IGSF10: variants seen among roughly 807,000 people sequenced by gnomAD.
IGSF10 encodes the protein calvaria mechanical force protein 608.
IGSF10 carries 126 observed loss-of-function variants against 128.2 expected under a neutral mutation model. That is an observed-to-expected ratio of 0.98 (90% CI 0.85 to 1.14). IGSF10 has a LOEUF of 1.14. Among genes scored for constraint, IGSF10 ranks in the 50% most tolerant of loss-of-function variants. IGSF10 has a pLI of 0.00. For synonymous variants in IGSF10, 1,185 were observed against 1,146.2 expected (o/e 1.03, Z -0.68); for missense variants, 3,295 against 3,149.8 (o/e 1.05, Z -1.10).
chr3:151,433,030 G>C, downstream of IGSF10: 1 of 488,572 alleles, frequency 2.0e-6, no homozygotes, highest in Non-Finnish European at 3.7e-6. Flanking sequence ...GTTTACAAAT[G>C]TGAATCATGC....
Position 151,461,015 on chromosome 3 carries a change from T to C in IGSF10, c.-158A>G, listed in dbSNP as rs570250721. The C allele has an allele frequency of 4.6e-4, 457 of 985,338 alleles. No individual in the cohort carries two copies. The highest frequency in any genetic ancestry group is 1.3e-3 in the Admixed American group (21 of 16,280). The allele number at this position is 985,338 out of a possible 1,614,324, so 61.0% of individuals were successfully genotyped here. A position where few individuals can be genotyped will look rare whatever the true frequency, so the allele number is the denominator to read the frequency against. Reference sequence around the variant, plus strand: ...TCCCGGGCTCGGTCCCGGGCTCAGCTGCTGGGGTCGTGCGGAGCTGGTCCG... The same window carrying C: ...TCCCGGGCTCGGTCCCGGGCTCAGCCGCTGGGGTCGTGCGGAGCTGGTCCG... On this transcript the variant is annotated 5_prime_UTR_variant, in exon 1 of 8. Transcript: ENST00000282466.
At chr3:151,537,182 T>A in the IGSF10 span, among the ~76,000 whole-genome samples, 81 of 152,200 alleles carry the variant, frequency 5.3e-4, no homozygotes, top group African/African-American at 1.8e-3. Flanking sequence ...TGCTTTGATC[T>A]TGCATTGTTA....
At chr3:151,434,493 A>G (rs188838271), downstream of IGSF10, 1 of 146,228 alleles carries the variant, frequency 6.8e-6, no homozygotes, top group East Asian at 2.0e-4. Context: ...TATTCTTTTC[A>G]CTAAATTAAT....
the IGSF10 span, among the ~76,000 whole-genome samples, chr3:151,598,655 G>C: frequency 6.6e-6 from 1 of 152,094 alleles, no homozygotes; most frequent in Non-Finnish European, 1.5e-5. Context: ...CAGTATTTAG[G>C]GAATAATGAC....
chr3:151,531,394 AC>A, the IGSF10 span, among the ~76,000 whole-genome samples: 1 of 152,216 alleles, frequency 6.6e-6, no homozygotes, highest in African/African-American at 2.4e-5. Flanking sequence ...TCTTCTCAGC[AC>A]CACATCACCC....
chr3:151,514,434 T>C, the IGSF10 span, among the ~76,000 whole-genome samples: 3 of 152,228 alleles, frequency 2.0e-5, no homozygotes, highest in Non-Finnish European at 4.4e-5. Flanking sequence ...AAGTTGAAAC[T>C]GGATCCCTTC....
chr3:151,562,021 G>C, the IGSF10 span, among the ~76,000 whole-genome samples: 13 of 152,204 alleles, frequency 8.5e-5, no homozygotes, highest in East Asian at 2.5e-3. Flanking sequence ...CTTGAAAAGG[G>C]GCTGAGTACA....
downstream of IGSF10, chr3:151,435,212 A>AAAGAC (rs1337573902): frequency 2.6e-5 from 4 of 151,006 alleles, no homozygotes; most frequent in African/African-American, 9.8e-5. Context: ...AGCTCCCCTT[A>AAAGAC]AAGACAAGAC....
chr3:151,529,296 G>A, the IGSF10 span, among the ~76,000 whole-genome samples: 1 of 152,206 alleles, frequency 6.6e-6, no homozygotes, highest in Non-Finnish European at 1.5e-5. Context: ...AGATGTAAAC[G>A]TCCCTGCCTG....
At chr3:151,558,029 T>A in the IGSF10 span, among the ~76,000 whole-genome samples, 8 of 65,142 alleles carry the variant, frequency 1.2e-4, 1 homozygote, top group Admixed American at 1.9e-4. Flanking sequence ...ATATATATAT[T>A]GGTACAATAT....
the IGSF10 span, among the ~76,000 whole-genome samples, chr3:151,497,753 T>A: frequency 6.6e-6 from 1 of 152,182 alleles, no homozygotes; most frequent in Non-Finnish European, 1.5e-5. Flanking sequence ...ATTGAATCTA[T>A]GAATTACTTT....
chr3:151,432,739 T>C, downstream of IGSF10: 1 of 1,610,878 alleles, frequency 6.2e-7, no homozygotes, highest in Non-Finnish European at 8.5e-7. Context: ...GTTCAATTTA[T>C]TTTTCTCCTT....
intron 4 of IGSF10, among the ~76,000 whole-genome samples, chr3:151,456,490 C>T (rs1394566578): frequency 1.3e-5 from 2 of 152,126 alleles, no homozygotes; most frequent in Admixed American, 1.3e-4. Context: ...GTATGCATTT[C>T]CTCATGTTCC....
the IGSF10 span, among the ~76,000 whole-genome samples, chr3:151,553,747 C>A: frequency 9.9e-5 from 15 of 151,622 alleles, no homozygotes; most frequent in African/African-American, 3.6e-4. Context: ...TGATACATTC[C>A]TCAAGTTTTT....
the IGSF10 span, among the ~76,000 whole-genome samples, chr3:151,511,983 A>G: frequency 6.6e-6 from 1 of 152,200 alleles, no homozygotes; most frequent in Non-Finnish European, 1.5e-5. Flanking sequence ...AGTGACCTAC[A>G]AAGAGACTTA....
At chr3:151,522,525 G>A in the IGSF10 span, among the ~76,000 whole-genome samples, 42 of 152,206 alleles carry the variant, frequency 2.8e-4, no homozygotes, top group South Asian at 8.1e-3. Flanking sequence ...GGGATGCAAG[G>A]TTGGTTCAAC....
the IGSF10 span, among the ~76,000 whole-genome samples, chr3:151,520,555 G>C: frequency 6.6e-6 from 1 of 151,848 alleles, no homozygotes; most frequent in African/African-American, 2.4e-5. Context: ...CTACAAGCCA[G>C]AAGAGAGTGG....
chr3:151,588,856 G>C, the IGSF10 span, among the ~76,000 whole-genome samples: 1 of 152,154 alleles, frequency 6.6e-6, no homozygotes, highest in African/African-American at 2.4e-5. Flanking sequence ...AGAGAATAGG[G>C]AGTGCCAGGG....
chr3:151,603,157 C>A, the IGSF10 span, among the ~76,000 whole-genome samples: 7 of 152,186 alleles, frequency 4.6e-5, no homozygotes, highest in Non-Finnish European at 7.3e-5. Flanking sequence ...TTTCTCCTTA[C>A]CATTTACTTA....
Sources: allele counts gnomAD v4.1 joint callset (sites outside exome capture counted in the v4.1 genomes callset), GRCh38; gene constraint gnomAD v4.1.1; transcripts MANE v1.5; gene names NCBI Gene and HGNC (gene_info 2026-07-23, HGNC 2026-07-21).